RREB1: variants seen among roughly 807,000 people sequenced by gnomAD.
RREB1 encodes the protein ras responsive element binding protein 1, also known as ras-responsive element-binding protein 1.
A neutral mutation model predicts 117.8 loss-of-function variants in RREB1; 27 were observed. The ratio of observed to expected loss-of-function variants is 0.23; its 90% CI spans 0.17 to 0.32. The LOEUF is 0.32. Ranked by LOEUF, RREB1 falls within the 10% of genes least tolerant of loss-of-function variation. RREB1 has a pLI of 1.00. For missense variants in RREB1, 2,577 were observed against 2,378.2 expected (o/e 1.08, Z -1.74); for synonymous variants, 1,298 against 1,026.7 (o/e 1.26, Z -5.05).
intron 1 of RREB1, among the ~76,000 whole-genome samples, chr6:7,147,575 C>G (rs534274076): frequency 6.6e-6 from 1 of 152,174 alleles, no homozygotes; most frequent in Non-Finnish European, 1.5e-5. Flanking sequence ...TGAATTATAT[C>G]TGACTGTGTG....
chr6:7,188,577 A>C (rs989611961), intron 5 of RREB1, among the ~76,000 whole-genome samples: 4 of 152,058 alleles, frequency 2.6e-5, no homozygotes, highest in Non-Finnish European at 5.9e-5. Flanking sequence ...ATTCATGACA[A>C]AATATTGATG....
chr6:7,128,785 A>G (rs551558796), intron 1 of RREB1, among the ~76,000 whole-genome samples: 2 of 152,284 alleles, frequency 1.3e-5, no homozygotes, highest in South Asian at 4.1e-4. Context: ...CCTGGCCAAT[A>G]TGGTGAAACC....
Position 7,240,534 on chromosome 6 carries a change from G to A in RREB1, c.3905G>A (p.Cys1302Tyr), listed in dbSNP as rs897843951. The change falls in exon 11 of 13, where the codon TGT becomes TAT. Residue 1302 changes from cysteine (C) to tyrosine (Y), a missense_variant. Transcript: ENST00000379938. ...TTGCGCAAACACGGAGTTACCACCT[G>A]TTCCCTGAGAAGAAACGGGCTTATC... ...HQLRKHGVTT[C>Y]SLRRNGLIPQ... 7 of 1,613,976 alleles carry A rather than the reference G, an allele frequency of 4.3e-6. No individual in the cohort carries two copies. Among genetic ancestry groups the A allele is most frequent in the Non-Finnish European group, 5.9e-6 (7 of 1,179,934 alleles).
intron 1 of RREB1, among the ~76,000 whole-genome samples, chr6:7,152,787 G>GTGT (rs1763183017): frequency 6.6e-6 from 1 of 152,208 alleles, no homozygotes; most frequent in Non-Finnish European, 1.5e-5. Context: ...AAATGTGTGT[G>GTGT]TGTACACAAA....
chr6:7,240,524 G>T lies in RREB1; in HGVS notation c.3895G>T (p.Val1299Phe). The change falls in exon 11 of 13, where the codon GTT (valine) becomes TTT (phenylalanine). Residue 1299 changes from valine to phenylalanine, a missense_variant. Transcript: ENST00000379938. ...ACGCCACCAGTTGCGCAAACACGGA[G>T]TTACCACCTGTTCCCTGAGAAGAAA... Reference protein sequence around the residue: ...CERHQLRKHGVTTCSLRRNGL... With the variant: ...CERHQLRKHGFTTCSLRRNGL... 1 of 1,613,924 alleles carries T rather than the reference G, an allele frequency of 6.2e-7. No homozygotes were observed. The highest frequency in any genetic ancestry group is 8.5e-7 in the Non-Finnish European group (1 of 1,179,950).
intron 1 of RREB1, among the ~76,000 whole-genome samples, chr6:7,172,699 T>G (rs6899961): frequency 0.12 from 13,627 of 109,078 alleles, 1,282 homozygotes; most frequent in African/African-American, 0.32. Context: ...TGTGGGGGGG[T>G]GGGGGTGACT....
At position 7,248,757 on chromosome 6, in the gene RREB1, G is replaced by C. The variant is rs116683035; in HGVS notation, c.5018G>C (p.Arg1673Pro). Residue 1673 changes from arginine to proline, a missense_variant, in exon 13 of 13, where the codon CGG (arginine) becomes CCG (proline). Coordinates refer to ENST00000379938, the MANE Select transcript of RREB1 (RefSeq NM_001003699.4). ...AACCACATGGCTGTCACCCGGAGCC[G>C]GAAGGAGGGCTTGGCCAGTGCCACC... Reference protein sequence around the residue: ...ASNHMAVTRSRKEGLASATKD... With the variant: ...ASNHMAVTRSPKEGLASATKD... 2 of 1,614,094 alleles carry C rather than the reference G, an allele frequency of 1.2e-6. No individual in the cohort carries two copies. The highest frequency in any genetic ancestry group is 8.5e-7 in the Non-Finnish European group (1 of 1,180,004).
chr6:7,178,209 G>A, intron 2 of RREB1, among the ~76,000 whole-genome samples: 1 of 152,104 alleles, frequency 6.6e-6, no homozygotes, highest in African/African-American at 2.4e-5. Context: ...AGTGATGTCA[G>A]GGAGAAGAAA....
At chr6:7,154,792 C>A (rs559488731) in intron 1 of RREB1, among the ~76,000 whole-genome samples, 1 of 152,082 alleles carries the variant, frequency 6.6e-6, no homozygotes, top group Admixed American at 6.5e-5. Flanking sequence ...GGTTACCCAC[C>A]GGGCCTTAAG....
intron 1 of RREB1, among the ~76,000 whole-genome samples, chr6:7,150,950 G>A (rs1051217795): frequency 6.6e-6 from 1 of 152,358 alleles, no homozygotes; most frequent in Non-Finnish European, 1.5e-5. Context: ...GCATCCAGGC[G>A]TGGATTTGAA....
At chr6:7,245,340 A>T (rs1300899326) in intron 11 of RREB1, among the ~76,000 whole-genome samples, 1 of 152,194 alleles carries the variant, frequency 6.6e-6, no homozygotes, top group Non-Finnish European at 1.5e-5. Context: ...GGTTGCAGTG[A>T]GTGGAGATCA....
At chr6:7,173,792 AAAG>A (rs773011466) in intron 1 of RREB1, among the ~76,000 whole-genome samples, 9 of 152,174 alleles carry the variant, frequency 5.9e-5, no homozygotes, top group Non-Finnish European at 1.0e-4. Context: ...AGAAAAAAAA[AAAG>A]GGAAAGAAAG....
At chr6:7,116,325 TC>T (rs889298270) in intron 1 of RREB1, among the ~76,000 whole-genome samples, 3 of 152,134 alleles carry the variant, frequency 2.0e-5, no homozygotes, top group African/African-American at 7.2e-5. Context: ...CCCATCCCCT[TC>T]CTTCAGCAAT....
intron 9 of RREB1, among the ~76,000 whole-genome samples, chr6:7,226,910 T>C (rs1243843269): frequency 6.6e-6 from 1 of 152,214 alleles, no homozygotes; most frequent in African/African-American, 2.4e-5. Context: ...AGCTCTTCTG[T>C]GCCTTTTGTC....
At chr6:7,170,605 C>T (rs1764161550) in intron 1 of RREB1, among the ~76,000 whole-genome samples, 1 of 152,276 alleles carries the variant, frequency 6.6e-6, no homozygotes, top group African/African-American at 2.4e-5. Flanking sequence ...CAGCCATGCA[C>T]TGCAGGCTGG....
chr6:7,123,760 G>A (rs574258664), intron 1 of RREB1, among the ~76,000 whole-genome samples: 9 of 151,956 alleles, frequency 5.9e-5, no homozygotes, highest in South Asian at 2.1e-4. Context: ...ACAGGCGCCC[G>A]CCACCACGCC....
In RREB1 at chr6:7,184,282, T is replaced by A. The variant is rs142801001; in HGVS notation, c.171+2200T>A. On this transcript the variant is annotated intron_variant, in intron 4 of 12. Coordinates refer to ENST00000379938, the MANE Select transcript of RREB1 (RefSeq NM_001003699.4). The stretch of plus-strand genomic sequence containing the variant: ...TTCATTTTATTATTATTATTTTTTT[T>A]ATTATTATTATGTTTTAAAATAGAG... Among the ~76,000 whole-genome samples the A allele has an allele frequency of 4.1e-3, 620 of 151,124 alleles. 4 individuals carry two copies. The highest frequency in any genetic ancestry group is 0.014 in the African/African-American group (584 of 40,906).
intron 1 of RREB1, among the ~76,000 whole-genome samples, chr6:7,147,698 C>T (rs1762935537): frequency 6.6e-6 from 1 of 152,206 alleles, no homozygotes; most frequent in Non-Finnish European, 1.5e-5. Context: ...AACAAAGTGA[C>T]AGTTTTCTTA....
At chr6:7,188,052 C>T (rs1408712221) in intron 5 of RREB1, among the ~76,000 whole-genome samples, 1 of 152,060 alleles carries the variant, frequency 6.6e-6, no homozygotes, top group Non-Finnish European at 1.5e-5. Flanking sequence ...ACCTGTAATC[C>T]CAGTTACTTG....
Sources: gnomAD v4.1 joint callset for allele counts (sites outside exome capture counted in the v4.1 genomes callset) on GRCh38, gnomAD v4.1.1 for gene constraint, MANE v1.5 for transcripts, NCBI Gene and HGNC (gene_info 2026-07-23, HGNC 2026-07-21) for gene names.